HIGD1B: variants seen among roughly 807,000 people sequenced by gnomAD.
HIGD1B encodes HIG1 hypoxia inducible domain family member 1B, also known as HIG1 domain family member 1B.
In HIGD1B, 9 loss-of-function variants were observed where a neutral mutation model predicts 8.8. The ratio of observed to expected loss-of-function variants is 1.02; its 90% CI spans 0.62 to 1.78. The LOEUF (loss-of-function observed/expected upper bound fraction) is 1.78. Ranked by LOEUF, HIGD1B falls within the 40% of genes most tolerant of loss-of-function variation. The pLI, the probability that HIGD1B is intolerant of heterozygous loss-of-function variation, is 0.00. For synonymous variants in HIGD1B, 47 were observed against 38.8 expected, an observed-to-expected ratio of 1.21 and a Z score of -0.78; for missense variants, 126 against 111.8, an observed-to-expected ratio of 1.13 and a Z score of -0.57.
At chr17:44,850,200 T>A in intron 2 of HIGD1B, 132 bp from the exon 3 acceptor site, 3 of 648,952 alleles carry the variant, frequency 4.6e-6, no homozygotes, top group Non-Finnish European at 5.4e-6. Flanking sequence ...TGTTGGGACC[T>A]GGGGCAGAAA....
At chr17:44,846,895 G>A (rs2050328342), upstream of HIGD1B, among the ~76,000 whole-genome samples, 1 of 152,146 alleles carries the variant, frequency 6.6e-6, no homozygotes, top group Admixed American at 6.5e-5. Context: ...CTGCACTTTG[G>A]GAAGCCGAGG....
upstream of HIGD1B, chr17:44,846,425 G>C (rs1386886344): frequency 6.6e-6 from 1 of 152,384 alleles, no homozygotes; most frequent in African/African-American, 2.4e-5. Flanking sequence ...CCATCTCTTA[G>C]GGTAAGCACC....
chr17:44,850,422 C>A lies in HIGD1B; in HGVS notation c.*26C>A. On this transcript the variant is annotated 3_prime_UTR_variant, in exon 3 of 3. Transcript: ENST00000253410. ...GACTCCTATAGGAGCCGGGGCTGTC[C>A]AACTCCCCTAACTCAATCCCTGGTA... is the stretch of plus-strand genomic sequence containing the variant. 6.4e-7 allele frequency: 1 copy of A among 1,560,236 alleles called. No homozygotes were observed. The highest frequency in any genetic ancestry group is 8.8e-7 in the Non-Finnish European group (1 of 1,133,742).
intron 1 of HIGD1B, 51 bp from the exon 2 acceptor site, chr17:44,849,203 G>T: frequency 1.2e-6 from 2 of 1,605,740 alleles, no homozygotes; most frequent in African/African-American, 1.3e-5. Context: ...CTCATCAGGG[G>T]AGTGCTGTGC....
At chr17:44,849,106 G>T in intron 1 of HIGD1B, 148 bp from the exon 2 acceptor site, 2 of 826,234 alleles carry the variant, frequency 2.4e-6, no homozygotes, top group Non-Finnish European at 3.7e-6. Context: ...ATCCCCCTAG[G>T]TCCCCCGCAA....
Position 44,850,413 on chromosome 17 carries a change from G to A in HIGD1B, c.*17G>A, listed in dbSNP as rs200400475. On this transcript the variant is annotated 3_prime_UTR_variant, in exon 3 of 3. Coordinates refer to ENST00000253410, the MANE Select transcript of HIGD1B (RefSeq NM_016438.4). Reference sequence around the variant, plus strand: ...GAGAAGTAGGACTCCTATAGGAGCCGGGGCTGTCCAACTCCCCTAACTCAA... The same window carrying A: ...GAGAAGTAGGACTCCTATAGGAGCCAGGGCTGTCCAACTCCCCTAACTCAA... 116 of 1,600,032 alleles carry A rather than the reference G, an allele frequency of 7.2e-5. No homozygotes were observed. The highest frequency in any genetic ancestry group is 9.4e-5 in the Non-Finnish European group (110 of 1,169,284).
At chr17:44,850,261 G>T in intron 2 of HIGD1B, 71 bp from the exon 3 acceptor site, 5 of 1,279,484 alleles carry the variant, frequency 3.9e-6, no homozygotes, top group Non-Finnish European at 4.4e-6. Context: ...TGAACCCCTA[G>T]GACGCCTGAG....
chr17:44,846,811 A>G (rs2050327461), upstream of HIGD1B, among the ~76,000 whole-genome samples: 1 of 151,338 alleles, frequency 6.6e-6, no homozygotes, highest in Non-Finnish European at 1.5e-5. Context: ...AGAAAAAGAA[A>G]AGAGAGTTTG....
rs1288266050 is a variant in HIGD1B at position 44,848,014 on chromosome 17, CAT to C, written c.-138_-137del. On this transcript the variant is annotated 5_prime_UTR_variant, in exon 1 of 3. It removes an upstream start codon present in the reference 5' UTR. Coordinates refer to ENST00000253410, the MANE Select transcript of HIGD1B (RefSeq NM_016438.4). ...TTTTCAAGTAGAGGCTGTGTTGGGG[CAT>C]GGTGAGAGAGGGTCTTAGCAGGTAA... 13 of 572,924 alleles carry C rather than the reference CAT, an allele frequency of 2.3e-5. No homozygotes were observed. The highest frequency in any genetic ancestry group is 4.1e-5 in the Non-Finnish European group (13 of 320,246). The allele number at this position is 572,924 out of a possible 1,614,324, so 35.5% of individuals were successfully genotyped here.
In HIGD1B at chr17:44,847,912, C is replaced by T. The variant is rs1168776989; in HGVS notation, c.-241C>T. 2 of 419,316 alleles carry T rather than the reference C, an allele frequency of 4.8e-6. No individual in the cohort carries two copies. The highest frequency in any genetic ancestry group is 9.2e-5 in the East Asian group (2 of 21,828). 26.0% of individuals were successfully genotyped at this position (419,316 alleles called of 1,614,324 possible). A position where few individuals can be genotyped will look rare whatever the true frequency, so the allele number is the denominator to read the frequency against. ...AAGACAGAATGAGCTGGGGAAGAGG[C>T]AGATGGTAGGAAATGGAGACGGAGA... On this transcript the variant is annotated 5_prime_UTR_variant, in exon 1 of 3. Transcript: ENST00000253410.
At chr17:44,849,491 G>A in intron 2 of HIGD1B, 103 bp downstream of exon 2, 3 of 1,371,358 alleles carry the variant, frequency 2.2e-6, no homozygotes, top group Non-Finnish European at 3.0e-6. Context: ...GCTGGGCGCG[G>A]TGGTTCACGC....
At position 44,849,329 on chromosome 17, in the gene HIGD1B, T is replaced by C. The variant is rs762420329; in HGVS notation, c.176T>C (p.Ile59Thr). The C allele has an allele frequency of 6.2e-7, 1 of 1,614,032 alleles. No homozygotes were observed. Among genetic ancestry groups the C allele is most frequent in the East Asian group, 2.2e-5 (1 of 44,890 alleles). Reference protein sequence around the residue: ...LRSRGSTKMSIHLIHTRVAAQ... With the variant: ...LRSRGSTKMSTHLIHTRVAAQ... ...TCTCGTGGTTCCACCAAGATGTCCA[T>C]ACACCTGATTCACACCCGAGTGGCA... Residue 59 changes from isoleucine (I) to threonine (T), a missense_variant, in exon 2 of 3, where the codon ATA (isoleucine) becomes ACA (threonine). Coordinates refer to ENST00000253410, the MANE Select transcript of HIGD1B (RefSeq NM_016438.4).
In HIGD1B at chr17:44,849,297, G is replaced by C; in HGVS notation, c.144G>C (p.Arg48=). The C allele has an allele frequency of 6.2e-7, 1 of 1,614,124 alleles. No homozygotes were observed. The highest frequency in any genetic ancestry group is 8.5e-7 in the Non-Finnish European group (1 of 1,180,020). Residue 48 remains arginine, a synonymous_variant, in exon 2 of 3, where the codon CGG becomes CGC. Transcript: ENST00000253410. The stretch of plus-strand genomic sequence containing the variant: ...TGGTAGCAGCATACAGGATTTACCG[G>C]CTGAGGTCTCGTGGTTCCACCAAGA... ...CLVVAAYRIY[R]LRSRGSTKMS...
At chr17:44,845,761 G>A (rs573290927), upstream of HIGD1B, among the ~76,000 whole-genome samples, 33 of 151,900 alleles carry the variant, frequency 2.2e-4, no homozygotes, top group African/African-American at 5.8e-4. Flanking sequence ...GTGAAACCCC[G>A]CCTCTACTAA....
Sources: gnomAD v4.1 joint callset for allele counts (sites outside exome capture counted in the v4.1 genomes callset) on GRCh38, gnomAD v4.1.1 for gene constraint, MANE v1.5 for transcripts, NCBI Gene and HGNC (gene_info 2026-07-23, HGNC 2026-07-21) for gene names.